PCDHA9: variants seen among roughly 807,000 people sequenced by gnomAD.
PCDHA9 encodes the protein protocadherin alpha 9, also known as protocadherin alpha-9.
Under a neutral mutation model 62.0 loss-of-function variants are expected in PCDHA9, and 62 were observed. The ratio of observed to expected loss-of-function variants is 1.00; its 90% CI spans 0.81 to 1.23. The LOEUF (loss-of-function observed/expected upper bound fraction) is 1.23. PCDHA9 is among the 50% of genes most tolerant of loss of function. The probability of loss-of-function intolerance (pLI) is 0.00; values close to 1 mark genes in which losing one functional copy is unlikely to be tolerated. For missense variants in PCDHA9, 1,205 were observed against 1,249.8 expected, an observed-to-expected ratio of 0.96 and a Z score of 0.54; for synonymous variants, 557 against 567.6, an observed-to-expected ratio of 0.98 and a Z score of 0.27.
intron 1 of PCDHA9, chr5:140,926,589 G>T (rs929081687): frequency 1.7e-5 from 5 of 292,778 alleles, no homozygotes; most frequent in Non-Finnish European, 2.5e-5. Flanking sequence ...TCTCGCGCCC[G>T]GGCGGGCGGC....
In PCDHA9 at chr5:140,873,562, T is replaced by C. The variant is rs2054348263; in HGVS notation, c.2394+22673T>C. On this transcript the variant is annotated intron_variant, in intron 1 of 3. Coordinates refer to ENST00000532602, the MANE Select transcript of PCDHA9 (RefSeq NM_031857.2). ...AAAATTATAATTTCAATTTATTTTCTAGTTTGGTTGTTTAAGTATTAAGCT... is the reference window on the plus strand; with the variant it reads ...AAAATTATAATTTCAATTTATTTTCCAGTTTGGTTGTTTAAGTATTAAGCT... Among the ~76,000 whole-genome samples, 7 of 149,812 alleles carry C rather than the reference T, an allele frequency of 4.7e-5. No individual in the cohort carries two copies. In the South Asian group the frequency reaches 1.5e-3, roughly 31 times the overall value.
At position 140,947,211 on chromosome 5, in the gene PCDHA9, T is replaced by A. The variant is rs562676640; in HGVS notation, c.2395-31738T>A. Among the ~76,000 whole-genome samples, 51 of 151,298 alleles carry A rather than the reference T, an allele frequency of 3.4e-4. 1 individual carries two copies. In the South Asian group the frequency reaches 0.011, roughly 32 times the overall value. On this transcript the variant is annotated intron_variant, in intron 1 of 3. Transcript: ENST00000532602. ...ACTACACAGCCTTAAAAAAAGAAAA[T>A]CCTGTCATTTATGACAGGAAAAAAA...
intron 3 of PCDHA9, among the ~76,000 whole-genome samples, chr5:140,983,854 T>A (rs1554245766): frequency 6.6e-6 from 1 of 152,206 alleles, no homozygotes; most frequent in Non-Finnish European, 1.5e-5. Flanking sequence ...TTAAGTAACA[T>A]GCAGCTAAGG....
chr5:140,966,803 C>G, intron 1 of PCDHA9: 1 of 1,542,484 alleles, frequency 6.5e-7, no homozygotes, highest in Non-Finnish European at 8.7e-7. Context: ...GGCGACAGAG[C>G]ATCCACGGCT....
chr5:140,935,447 A>G (rs542363713), intron 1 of PCDHA9, among the ~76,000 whole-genome samples: 1 of 152,364 alleles, frequency 6.6e-6, no homozygotes, highest in South Asian at 2.1e-4. Flanking sequence ...AAATAATATG[A>G]TACTGTAGCA....
intron 1 of PCDHA9, among the ~76,000 whole-genome samples, chr5:140,905,634 C>T (rs1554192107): frequency 6.6e-6 from 1 of 152,168 alleles, no homozygotes; most frequent in African/African-American, 2.4e-5. Context: ...ACAGTATGGT[C>T]AGTTTCACAG....
intron 3 of PCDHA9, among the ~76,000 whole-genome samples, chr5:141,001,096 A>T (rs919555319): frequency 1.3e-5 from 2 of 152,130 alleles, no homozygotes; most frequent in Admixed American, 1.3e-4. Flanking sequence ...AAACTGTCTA[A>T]TCCATAATAA....
At chr5:140,935,073 A>G (rs77827614) in intron 1 of PCDHA9, among the ~76,000 whole-genome samples, 63 of 152,260 alleles carry the variant, frequency 4.1e-4, no homozygotes, top group African/African-American at 1.3e-3. Context: ...ATTATCTTGT[A>G]CATTTCCTTT....
chr5:140,926,405 T>C (rs1554203436), intron 1 of PCDHA9: 1 of 152,454 alleles, frequency 6.6e-6, no homozygotes, highest in Non-Finnish European at 1.5e-5. Context: ...TTATCAGCAA[T>C]CTGCGGGCAG....
In PCDHA9 at chr5:140,877,367, G is replaced by C. The variant is rs201967192; in HGVS notation, c.2394+26478G>C. On this transcript the variant is annotated intron_variant, in intron 1 of 3. Transcript: ENST00000532602. ...GTGGGGCTGTACACTGGCGAGATCA[G>C]CACGACACGCATCCTGGATGAGGCG... is the stretch of plus-strand genomic sequence containing the variant. 1.0e-4 allele frequency: 167 copies of C among 1,614,018 alleles called. No homozygotes were observed. The highest frequency in any genetic ancestry group is 4.9e-4 in the Middle Eastern group (3 of 6,062).
In PCDHA9 at chr5:140,921,062, C is replaced by T. The variant is rs377176575; in HGVS notation, c.2395-57887C>T. 1.3e-4 allele frequency among the ~76,000 whole-genome samples: 20 copies of T among 151,872 alleles called. No homozygotes were observed. The South Asian group carries it at 4.2e-3, about 32-fold the overall frequency. The stretch of plus-strand genomic sequence containing the variant: ...TGGGGCAATCATAGCTCACTCTAAC[C>T]TTGAACTCTTGGGCTCAAGAGAATC... On this transcript the variant is annotated intron_variant, in intron 1 of 3. Coordinates refer to ENST00000532602, the MANE Select transcript of PCDHA9 (RefSeq NM_031857.2).
chr5:140,858,135 T>C, intron 1 of PCDHA9: 1 of 1,597,450 alleles, frequency 6.3e-7, no homozygotes. Context: ...GATGTCAACG[T>C]GTACCTGATC....
intron 1 of PCDHA9, chr5:140,884,824 T>C: frequency 1.0e-6 from 1 of 993,590 alleles, no homozygotes; most frequent in Non-Finnish European, 1.4e-6. Context: ...ACATTATGTG[T>C]TGGATTATCC....
intron 1 of PCDHA9, chr5:140,854,759 A>G (rs2043218942): frequency 6.7e-6 from 1 of 149,714 alleles, no homozygotes. Context: ...TTACATTTTC[A>G]TTCCTGAATA....
At chr5:141,007,706 C>T (rs1269578685) in intron 3 of PCDHA9, among the ~76,000 whole-genome samples, 1 of 152,218 alleles carries the variant, frequency 6.6e-6, no homozygotes, top group Non-Finnish European at 1.5e-5. Flanking sequence ...TCCTCTGCCT[C>T]CCACCACCAG....
intron 3 of PCDHA9, among the ~76,000 whole-genome samples, chr5:141,005,079 T>TTAGTACTTTACA (rs1375552328): frequency 3.3e-5 from 5 of 152,356 alleles, no homozygotes; most frequent in Non-Finnish European, 7.3e-5. Flanking sequence ...AGGATCAAGC[T>TTAGTACTTTACA]TAGTACTTTA....
chr5:140,870,704 T>C (rs782770549), intron 1 of PCDHA9: 1 of 1,612,984 alleles, frequency 6.2e-7, no homozygotes, highest in Non-Finnish European at 8.5e-7. Flanking sequence ...CAGTTCCAGG[T>C]GAGCGCGCGC....
chr5:140,869,183 G>A, intron 1 of PCDHA9: 1 of 1,613,958 alleles, frequency 6.2e-7, no homozygotes, highest in Non-Finnish European at 8.5e-7. Flanking sequence ...TGGGAGGTGG[G>A]GAGCGGCCAG....
At chr5:140,962,932 TC>T (rs1188109186) in intron 1 of PCDHA9, among the ~76,000 whole-genome samples, 20 of 152,266 alleles carry the variant, frequency 1.3e-4, no homozygotes, top group African/African-American at 4.3e-4. Flanking sequence ...CTTCTCAACC[TC>T]CTCTCCATAA....
Sources: gnomAD v4.1 joint callset for allele counts (sites outside exome capture counted in the v4.1 genomes callset) on GRCh38, gnomAD v4.1.1 for gene constraint, MANE v1.5 for transcripts, NCBI Gene and HGNC (gene_info 2026-07-23, HGNC 2026-07-21) for gene names.